Variants in CPNE4 observed in about 807,000 individuals in gnomAD.
CPNE4 encodes the protein copine 4.
Under a neutral mutation model 67.9 loss-of-function variants are expected in CPNE4, and 25 were observed. That is an observed-to-expected ratio of 0.37 (90% confidence interval 0.27 to 0.51). The LOEUF is 0.51. CPNE4 is among the 20% of genes least tolerant of loss of function. The pLI is 0.93. For synonymous variants in CPNE4, 242 were observed against 244.9 expected (o/e 0.99, Z 0.11); for missense variants, 464 against 690.8 (o/e 0.67, Z 3.68).
chr3:131,641,162 T>A (rs2079530532), intron 7 of CPNE4, among the ~76,000 whole-genome samples: 1 of 151,936 alleles, frequency 6.6e-6, no homozygotes, highest in South Asian at 2.1e-4. Flanking sequence ...TAAAGATAAA[T>A]GGATGGGACT....
Position 132,034,926 on chromosome 3 carries a change from G to A in CPNE4, c.-361C>T. 7.1e-6 allele frequency: 7 copies of A among 985,274 alleles called. No homozygotes were observed. Among genetic ancestry groups the A allele is most frequent in the Non-Finnish European group, 8.4e-6 (7 of 829,966 alleles). 61.0% of individuals were successfully genotyped at this position (985,274 alleles called of 1,614,324 possible). ...GGAGGGAGTGGAGTGGAGCGAGGGA[G>A]GAAGGAAAGGAGGGTGGCAGAAAGA... On this transcript the variant is annotated 5_prime_UTR_variant, in exon 1 of 16. Transcript: ENST00000429747.
At chr3:131,694,143 C>T (rs965756411) in intron 5 of CPNE4, among the ~76,000 whole-genome samples, 1 of 152,088 alleles carries the variant, frequency 6.6e-6, no homozygotes, top group Non-Finnish European at 1.5e-5. Flanking sequence ...ATTCATACTT[C>T]AATTTTTAAG....
At chr3:131,601,927 G>A (rs188326046) in intron 7 of CPNE4, among the ~76,000 whole-genome samples, 10 of 152,302 alleles carry the variant, frequency 6.6e-5, no homozygotes, top group South Asian at 6.2e-4. Flanking sequence ...GCTGTGAGAC[G>A]TTGGGCAGAT....
intron 1 of CPNE4, among the ~76,000 whole-genome samples, chr3:131,974,440 C>A (rs1285981616): frequency 6.6e-6 from 1 of 152,208 alleles, no homozygotes; most frequent in Non-Finnish European, 1.5e-5. Context: ...GACTTCCCAA[C>A]TCTCCTTGTC....
chr3:131,673,829 G>C (rs1385536931), intron 6 of CPNE4, among the ~76,000 whole-genome samples: 1 of 152,030 alleles, frequency 6.6e-6, no homozygotes, highest in African/African-American at 2.4e-5. Context: ...GATTGCTCCA[G>C]CTAGGACTTC....
At chr3:131,549,440 G>C (rs35449945) in intron 14 of CPNE4, among the ~76,000 whole-genome samples, 23,675 of 151,992 alleles carry the variant, frequency 0.16, 1,953 homozygotes, top group African/African-American at 0.21. Context: ...CTCAAACTCT[G>C]GTCTTGGTTT....
chr3:131,678,061 G>A (rs1005908634), intron 6 of CPNE4, among the ~76,000 whole-genome samples: 8 of 152,180 alleles, frequency 5.3e-5, no homozygotes, highest in Non-Finnish European at 8.8e-5. Context: ...TCCTATGCAT[G>A]AGCATGGAAT....
intron 2 of CPNE4, among the ~76,000 whole-genome samples, chr3:131,744,535 T>A (rs919234274): frequency 2.0e-5 from 3 of 152,184 alleles, no homozygotes; most frequent in African/African-American, 7.2e-5. Context: ...AATATTTCCA[T>A]CCCCACAAGG....
intron 1 of CPNE4, among the ~76,000 whole-genome samples, chr3:131,944,518 T>C (rs2071491768): frequency 6.6e-6 from 1 of 152,006 alleles, no homozygotes; most frequent in Non-Finnish European, 1.5e-5. Flanking sequence ...AGAAATGTAA[T>C]GGTGAGGGCT....
chr3:131,672,679 A>G (rs1403662932), intron 6 of CPNE4, among the ~76,000 whole-genome samples: 3 of 151,958 alleles, frequency 2.0e-5, no homozygotes, highest in South Asian at 2.1e-4. Flanking sequence ...TCCAAATTGA[A>G]TTATTAGATT....
At chr3:131,801,452 G>GTGTATATATATATATA (rs761978890) in intron 2 of CPNE4, among the ~76,000 whole-genome samples, 36 of 53,336 alleles carry the variant, frequency 6.7e-4, no homozygotes, top group African/African-American at 1.3e-3. Context: ...GTGTGTGTGT[G>GTGTATATATATATATA]TATATATATA....
chr3:131,862,761 GGTTT>G (rs2086744369), intron 2 of CPNE4, among the ~76,000 whole-genome samples: 1 of 151,772 alleles, frequency 6.6e-6, no homozygotes, highest in East Asian at 1.9e-4. Context: ...ACAACGTGCA[GGTTT>G]GTTACATATG....
chr3:131,755,559 A>G (rs2082732598), intron 2 of CPNE4, among the ~76,000 whole-genome samples: 1 of 152,212 alleles, frequency 6.6e-6, no homozygotes, highest in African/African-American at 2.4e-5. Context: ...AACAATTACA[A>G]ATCAATTACT....
intron 2 of CPNE4, among the ~76,000 whole-genome samples, chr3:131,799,452 T>C (rs1021824085): frequency 3.3e-5 from 5 of 152,194 alleles, no homozygotes; most frequent in African/African-American, 1.2e-4. Flanking sequence ...TTCACAGAAT[T>C]AGGACTATGC....
At chr3:131,670,790 A>T (rs11914289) in intron 6 of CPNE4, among the ~76,000 whole-genome samples, 50,139 of 149,380 alleles carry the variant, frequency 0.34, 8,635 homozygotes, top group African/African-American at 0.41. Context: ...GGAAGTCTTT[A>T]GTTAGTGGAA....
intron 2 of CPNE4, among the ~76,000 whole-genome samples, chr3:131,864,916 AGG>A (rs1470322321): frequency 6.6e-6 from 1 of 152,096 alleles, no homozygotes; most frequent in South Asian, 2.1e-4. Context: ...TTTAGCACGA[AGG>A]GTTGTTGAAT....
rs186558276 is a variant in CPNE4, at chr3:131,866,208, T to C, written c.180+39056A>G. ...CTTATTTAGTTATAATCTGATCAGT[T>C]AGGAATTGCAATCAGCTGAGAGTGA... On this transcript the variant is annotated intron_variant, in intron 2 of 15. Coordinates refer to ENST00000429747, the MANE Select transcript of CPNE4 (RefSeq NM_130808.3). 4.9e-3 allele frequency among the ~76,000 whole-genome samples: 728 copies of C among 149,868 alleles called. 8 individuals are homozygous for C. The highest frequency in any genetic ancestry group is 0.016 in the African/African-American group (634 of 40,662).
chr3:131,771,555 T>G (rs1171816425), intron 2 of CPNE4, among the ~76,000 whole-genome samples: 1 of 152,066 alleles, frequency 6.6e-6, no homozygotes, highest in East Asian at 1.9e-4. Flanking sequence ...GCCATATGAT[T>G]TGCACACACC....
At chr3:131,966,642 G>A (rs944513836) in intron 1 of CPNE4, among the ~76,000 whole-genome samples, 4 of 152,050 alleles carry the variant, frequency 2.6e-5, no homozygotes, top group African/African-American at 9.7e-5. Context: ...TAAATTCCTG[G>A]ACACATACAC....
Sources: gnomAD v4.1 joint callset for allele counts (sites outside exome capture counted in the v4.1 genomes callset) on GRCh38, gnomAD v4.1.1 for gene constraint, MANE v1.5 for transcripts, NCBI Gene and HGNC (gene_info 2026-07-23, HGNC 2026-07-21) for gene names.